FHIT: variants seen among roughly 807,000 people sequenced by gnomAD.
FHIT encodes the protein fragile histidine triad diadenosine triphosphatase.
A neutral mutation model predicts 17.9 loss-of-function variants in FHIT; 19 were observed. That is an observed-to-expected ratio of 1.06 (90% CI 0.74 to 1.56). FHIT has a LOEUF of 1.56. Ranked by LOEUF, FHIT falls within the 40% of genes most tolerant of loss-of-function variation. The pLI is 0.00. For synonymous variants in FHIT, 81 were observed against 69.7 expected, an observed-to-expected ratio of 1.16 and a Z score of -0.81; for missense variants, 248 against 189.2, an observed-to-expected ratio of 1.31 and a Z score of -1.82.
At chr3:60,102,706 C>T (rs1704243537) in intron 5 of FHIT, among the ~76,000 whole-genome samples, 1 of 152,042 alleles carries the variant, frequency 6.6e-6, no homozygotes. Flanking sequence ...ACTCCCCAAG[C>T]AAAGCTTCAT....
chr3:60,506,897 A>C (rs2107534755), intron 5 of FHIT, among the ~76,000 whole-genome samples: 1 of 152,260 alleles, frequency 6.6e-6, no homozygotes, highest in South Asian at 2.1e-4. Context: ...CCCCATAAAA[A>C]CTGACGGATA....
intron 2 of FHIT, among the ~76,000 whole-genome samples, chr3:61,108,506 G>C (rs182019707): frequency 1.3e-5 from 2 of 152,146 alleles, no homozygotes; most frequent in Non-Finnish European, 2.9e-5. Flanking sequence ...CAGTATGTTT[G>C]GCAGTGATGA....
intron 3 of FHIT, among the ~76,000 whole-genome samples, chr3:60,976,381 C>G (rs1203694789): frequency 6.6e-6 from 1 of 151,864 alleles, no homozygotes; most frequent in Non-Finnish European, 1.5e-5. Flanking sequence ...TGCTCAGATT[C>G]CAGGCGTGAG....
chr3:60,847,328 G>C (rs532060706), intron 3 of FHIT, among the ~76,000 whole-genome samples: 126 of 152,008 alleles, frequency 8.3e-4, no homozygotes, highest in African/African-American at 3.0e-3. Context: ...CTGAACAGCT[G>C]TTGCTTGCAC....
intron 8 of FHIT, among the ~76,000 whole-genome samples, chr3:59,778,024 TCTCA>T (rs1702408296): frequency 6.6e-6 from 1 of 152,236 alleles, no homozygotes; most frequent in Admixed American, 6.5e-5. Flanking sequence ...TTCATTTCCT[TCTCA>T]CTCTCTGAGA....
chr3:60,395,515 C>T (rs1459048165), intron 5 of FHIT, among the ~76,000 whole-genome samples: 1 of 152,118 alleles, frequency 6.6e-6, no homozygotes, highest in Admixed American at 6.5e-5. Flanking sequence ...AGGGAATAAT[C>T]TAAGAAGTCG....
At chr3:60,812,105 T>A (rs1900669) in intron 4 of FHIT, among the ~76,000 whole-genome samples, 1 of 151,710 alleles carries the variant, frequency 6.6e-6, no homozygotes, top group Admixed American at 6.6e-5. Context: ...ACAGAGTACA[T>A]GGAGATCTGG....
chr3:60,592,495 C>T (rs550479392), intron 4 of FHIT, among the ~76,000 whole-genome samples: 2 of 152,068 alleles, frequency 1.3e-5, no homozygotes, highest in Admixed American at 1.3e-4. Flanking sequence ...CCGTGGTCAT[C>T]TAAAACCCAG....
At chr3:60,727,865 A>G (rs1279288500) in intron 4 of FHIT, among the ~76,000 whole-genome samples, 6 of 152,124 alleles carry the variant, frequency 3.9e-5, no homozygotes, top group Admixed American at 6.6e-5. Context: ...TTAGCTGGGC[A>G]TGGTGGCGGG....
At chr3:60,858,072 G>A (rs1315494709) in intron 3 of FHIT, among the ~76,000 whole-genome samples, 2 of 152,182 alleles carry the variant, frequency 1.3e-5, no homozygotes, top group East Asian at 1.9e-4. Context: ...TGATCAGGTA[G>A]GTCCATGTTT....
At chr3:60,615,298 A>T (rs2038918554) in intron 4 of FHIT, among the ~76,000 whole-genome samples, 1 of 152,204 alleles carries the variant, frequency 6.6e-6, no homozygotes, top group South Asian at 2.1e-4. Flanking sequence ...CATTCACTCT[A>T]GTGTTCTACA....
intron 4 of FHIT, among the ~76,000 whole-genome samples, chr3:60,555,056 G>A (rs185286018): frequency 1.2e-4 from 18 of 152,310 alleles, no homozygotes; most frequent in Admixed American, 5.9e-4. Context: ...GTGTACTACA[G>A]GTGGTACAAC....
chr3:60,344,827 A>G (rs1710695275), intron 5 of FHIT, among the ~76,000 whole-genome samples: 1 of 152,124 alleles, frequency 6.6e-6, no homozygotes, highest in South Asian at 2.1e-4. Context: ...ACTTCAAAGA[A>G]TTTTATTAGC....
At chr3:60,415,533 A>G (rs553118075) in intron 5 of FHIT, among the ~76,000 whole-genome samples, 2 of 152,330 alleles carry the variant, frequency 1.3e-5, no homozygotes, top group East Asian at 3.9e-4. Context: ...GAGTGTAATC[A>G]TATCTTGAGA....
intron 5 of FHIT, among the ~76,000 whole-genome samples, chr3:60,396,099 C>A (rs764112357): frequency 6.6e-6 from 1 of 152,140 alleles, no homozygotes; most frequent in Non-Finnish European, 1.5e-5. Context: ...GAACTACCCC[C>A]ATGTGACAGG....
At chr3:60,354,118 A>G (rs541267356) in intron 5 of FHIT, among the ~76,000 whole-genome samples, 3 of 152,282 alleles carry the variant, frequency 2.0e-5, no homozygotes, top group African/African-American at 7.2e-5. Flanking sequence ...CTCCTATGCT[A>G]TAATTAATTT....
chr3:60,131,490 T>C (rs1487401077), intron 5 of FHIT, among the ~76,000 whole-genome samples: 1 of 152,134 alleles, frequency 6.6e-6, no homozygotes, highest in African/African-American at 2.4e-5. Flanking sequence ...AAGCACTATA[T>C]GATCCCATTA....
At chr3:59,928,393 G>A (rs1418839024) in intron 7 of FHIT, among the ~76,000 whole-genome samples, 1 of 152,144 alleles carries the variant, frequency 6.6e-6, no homozygotes, top group African/African-American at 2.4e-5. Flanking sequence ...GGAAGAGGGT[G>A]AACATCATCA....
chr3:60,899,916 A>G (rs1374643117), intron 3 of FHIT, among the ~76,000 whole-genome samples: 1 of 152,170 alleles, frequency 6.6e-6, no homozygotes, highest in Non-Finnish European at 1.5e-5. Context: ...CAAACACAGA[A>G]AAGGGAAATC....
Sources: gnomAD v4.1 joint callset for allele counts (sites outside exome capture counted in the v4.1 genomes callset) on GRCh38, gnomAD v4.1.1 for gene constraint, MANE v1.5 for transcripts, NCBI Gene and HGNC (gene_info 2026-07-23, HGNC 2026-07-21) for gene names.